The following DSCAML1 variants were observed in gnomAD, a reference collection of about 807,000 sequenced individuals.
The protein encoded by DSCAML1 is cell adhesion molecule DSCAML1.
DSCAML1 carries 38 observed loss-of-function variants against 200.5 expected under a neutral mutation model. That is an observed-to-expected ratio of 0.19 (90% CI 0.15 to 0.25). The LOEUF is 0.25. Among genes scored for constraint, DSCAML1 ranks in the 10% least tolerant of loss-of-function variants. The pLI, the probability that DSCAML1 is intolerant of heterozygous loss-of-function variation, is 1.00. For missense variants in DSCAML1, 2,223 were observed against 2,858.8 expected, an observed-to-expected ratio of 0.78 and a Z score of 5.07; for synonymous variants, 1,215 against 1,165.0, an observed-to-expected ratio of 1.04 and a Z score of -0.87.
intron 1 of DSCAML1, among the ~76,000 whole-genome samples, chr11:117,804,320 G>A (rs918278111): frequency 3.3e-5 from 5 of 152,204 alleles, no homozygotes; most frequent in Admixed American, 1.3e-4. Context: ...TTTCTACACC[G>A]ACCCAACAGG....
intron 3 of DSCAML1, among the ~76,000 whole-genome samples, chr11:117,547,772 A>C (rs2050402551): frequency 6.6e-6 from 1 of 152,208 alleles, no homozygotes; most frequent in Non-Finnish European, 1.5e-5. Context: ...ACATCTGATC[A>C]TGCTGAAAAC....
intron 3 of DSCAML1, among the ~76,000 whole-genome samples, chr11:117,686,630 C>T (rs2053404511): frequency 6.6e-6 from 1 of 152,198 alleles, no homozygotes; most frequent in South Asian, 2.1e-4. Flanking sequence ...GTGTAAATGA[C>T]TACGGCACCT....
intron 5 of DSCAML1, 64 bp from the exon 6 acceptor site, chr11:117,521,469 C>A: frequency 6.5e-7 from 1 of 1,544,466 alleles, no homozygotes; most frequent in African/African-American, 1.4e-5. Context: ...AAAGGGCTTA[C>A]TGTGAGTGGA....
intron 3 of DSCAML1, among the ~76,000 whole-genome samples, chr11:117,649,995 C>G (rs1464442051): frequency 6.6e-6 from 1 of 152,224 alleles, no homozygotes; most frequent in Non-Finnish European, 1.5e-5. Flanking sequence ...CTTTGGCTGG[C>G]AGGGCATTCT....
intron 3 of DSCAML1, among the ~76,000 whole-genome samples, chr11:117,745,724 C>A (rs151073869): frequency 6.6e-6 from 1 of 152,190 alleles, no homozygotes. Context: ...GTCAGCTCAG[C>A]ATGGAGCATC....
chr11:117,776,300 A>C (rs1003769740), intron 3 of DSCAML1, among the ~76,000 whole-genome samples: 4 of 152,166 alleles, frequency 2.6e-5, no homozygotes, highest in African/African-American at 7.2e-5. Flanking sequence ...CTCATTCAAG[A>C]AGGGAAGAAG....
At chr11:117,613,978 G>A (rs1379536899) in intron 3 of DSCAML1, among the ~76,000 whole-genome samples, 1 of 152,134 alleles carries the variant, frequency 6.6e-6, no homozygotes, top group Non-Finnish European at 1.5e-5. Context: ...CAGGGGTGTG[G>A]GGAAATTTGG....
At chr11:117,527,190 C>A (rs1446502966) in intron 4 of DSCAML1, among the ~76,000 whole-genome samples, 1 of 152,182 alleles carries the variant, frequency 6.6e-6, no homozygotes, top group Non-Finnish European at 1.5e-5. Context: ...AATACTAATA[C>A]AAGCTTTAAA....
chr11:117,697,993 A>T (rs1050427294), intron 3 of DSCAML1, among the ~76,000 whole-genome samples: 1 of 152,040 alleles, frequency 6.6e-6, no homozygotes. Context: ...GATGGTCTCG[A>T]TCTCTTGACT....
chr11:117,648,946 A>T (rs1439818461), intron 3 of DSCAML1, among the ~76,000 whole-genome samples: 1 of 152,116 alleles, frequency 6.6e-6, no homozygotes, highest in Admixed American at 6.5e-5. Flanking sequence ...AGAACAGCAA[A>T]TAACAACTAA....
At chr11:117,719,315 AG>A (rs1409509706) in intron 3 of DSCAML1, among the ~76,000 whole-genome samples, 1 of 152,180 alleles carries the variant, frequency 6.6e-6, no homozygotes, top group Non-Finnish European at 1.5e-5. Context: ...TATAAGCCGG[AG>A]GTGATGGTGC....
At chr11:117,728,475 T>C (rs576960116) in intron 3 of DSCAML1, among the ~76,000 whole-genome samples, 179 of 152,284 alleles carry the variant, frequency 1.2e-3, no homozygotes, top group African/African-American at 4.1e-3. Context: ...GTATCCAGAT[T>C]GAAAAGGAAG....
At chr11:117,710,373 T>A (rs1224137606) in intron 3 of DSCAML1, among the ~76,000 whole-genome samples, 1 of 152,224 alleles carries the variant, frequency 6.6e-6, no homozygotes, top group Admixed American at 6.5e-5. Flanking sequence ...ACCCTCCTTT[T>A]GCCAGCCGGC....
chr11:117,745,492 T>C (rs753174088), intron 3 of DSCAML1, among the ~76,000 whole-genome samples: 1 of 152,126 alleles, frequency 6.6e-6, no homozygotes, highest in Non-Finnish European at 1.5e-5. Context: ...GCCCTTCCCA[T>C]GCAGGTGGTC....
intron 3 of DSCAML1, among the ~76,000 whole-genome samples, chr11:117,710,554 G>C (rs2053829160): frequency 6.6e-6 from 1 of 152,156 alleles, no homozygotes; most frequent in Non-Finnish European, 1.5e-5. Flanking sequence ...GTAGTTTTCT[G>C]GTTTCAAGCT....
chr11:117,458,938 C>A (rs1303502235), intron 18 of DSCAML1, 29 bp from the exon 19 acceptor site: 1 of 1,605,976 alleles, frequency 6.2e-7, no homozygotes, highest in Non-Finnish European at 8.5e-7. Flanking sequence ...CTCTGAGGAC[C>A]CAGCTCCATC....
intron 3 of DSCAML1, among the ~76,000 whole-genome samples, chr11:117,764,566 G>A (rs568111628): frequency 3.9e-5 from 6 of 152,282 alleles, no homozygotes; most frequent in Admixed American, 3.9e-4. Flanking sequence ...TCCAATCAAC[G>A]GATTGTTGCT....
chr11:117,594,764 GT>G (rs2137493690), intron 3 of DSCAML1, among the ~76,000 whole-genome samples: 1 of 152,296 alleles, frequency 6.6e-6, no homozygotes, highest in African/African-American at 2.4e-5. Flanking sequence ...CTCATCTTTA[GT>G]CCTATGTGGT....
intron 20 of DSCAML1, among the ~76,000 whole-genome samples, chr11:117,447,994 C>A (rs527408537): frequency 4.6e-5 from 7 of 152,338 alleles, no homozygotes; most frequent in African/African-American, 1.7e-4. Context: ...GACCCCAGTC[C>A]CCCTACAGGG....
Sources: allele counts gnomAD v4.1 joint callset (sites outside exome capture counted in the v4.1 genomes callset), GRCh38; gene constraint gnomAD v4.1.1; transcripts MANE v1.5; gene names NCBI Gene and HGNC (gene_info 2026-07-23, HGNC 2026-07-21).